NECTIN2: variants seen among roughly 807,000 people sequenced by gnomAD.
The protein encoded by NECTIN2 is nectin-2.
In NECTIN2, 23 loss-of-function variants were observed where a neutral mutation model predicts 56.9. The ratio of observed to expected loss-of-function variants is 0.40; its 90% CI spans 0.29 to 0.57. NECTIN2 has a LOEUF of 0.57. Among genes scored for constraint, NECTIN2 ranks in the 20% least tolerant of loss-of-function variants. NECTIN2 has a pLI of 0.38. For missense variants in NECTIN2, 587 were observed against 718.3 expected, an observed-to-expected ratio of 0.82 and a Z score of 2.09; for synonymous variants, 302 against 313.8, an observed-to-expected ratio of 0.96 and a Z score of 0.40.
chr19:44,885,945 G>A lies in NECTIN2; in HGVS notation c.1205G>A (p.Gly402Glu). Residue 402 changes from glycine to glutamate, a missense_variant, in exon 7 of 9, where the codon GGA (glycine) becomes GAA (glutamate). By Grantham distance (98) the Gly-to-Glu change is moderately conservative. Coordinates refer to ENST00000252483, the MANE Select transcript of NECTIN2 (RefSeq NM_001042724.2). ...TACCTCCTACCCCACAGCCTGGAGG[G>A]ACCTCCCTCCTACAAGCCACCGACC... ...QGAEEDEDLE[G>E]PPSYKPPTPK... 6.3e-7 allele frequency: 1 copy of A among 1,586,902 alleles called. No homozygotes were observed. The highest frequency in any genetic ancestry group is 8.7e-7 in the Non-Finnish European group (1 of 1,155,514).
intron 5 of NECTIN2, chr19:44,878,756 G>A (rs1364697212): frequency 1.1e-5 from 16 of 1,440,394 alleles, no homozygotes; most frequent in African/African-American, 1.4e-5. Flanking sequence ...CACTTTCTTG[G>A]GACTTGGAGG....
In NECTIN2 at chr19:44,886,169, A is replaced by G. The variant is rs1167455637; in HGVS notation, c.1297A>G (p.Ser433Gly). 1 of 1,613,024 alleles carries G rather than the reference A, an allele frequency of 6.2e-7. No homozygotes were observed. Among genetic ancestry groups the G allele is most frequent in the Non-Finnish European group, 8.5e-7 (1 of 1,179,866 alleles). The change falls in exon 8 of 9, where the codon AGC becomes GGC. Residue 433 changes from serine to glycine, a missense_variant. Ser to Gly is a moderately conservative substitution (Grantham distance 56). Coordinates refer to ENST00000252483, the MANE Select transcript of NECTIN2 (RefSeq NM_001042724.2). Reference protein sequence around the residue: ...QLFTLGASEHSPLKTPYFDAG... With the variant: ...QLFTLGASEHGPLKTPYFDAG... ...CTTCACTCTGGGGGCCTCGGAGCACAGCCCACTCAAGACCCCCTACTTTGA... is the reference window on the plus strand; with the variant it reads ...CTTCACTCTGGGGGCCTCGGAGCACGGCCCACTCAAGACCCCCTACTTTGA...
chr19:44,852,010 T>A (rs76205446), intron 1 of NECTIN2, among the ~76,000 whole-genome samples: 4,221 of 152,268 alleles, frequency 0.028, 119 homozygotes, highest in African/African-American at 0.079. Flanking sequence ...TTCCAAGTTC[T>A]GAGTGTGTTT....
At chr19:44,877,979 T>TC (rs1420489872) in intron 5 of NECTIN2, among the ~76,000 whole-genome samples, 2 of 152,008 alleles carry the variant, frequency 1.3e-5, no homozygotes, top group Admixed American at 6.6e-5. Flanking sequence ...CCGGTTGGCA[T>TC]CCCCCTCCTT....
rs930123768 is a variant in NECTIN2, at chr19:44,878,723, C to A, written c.1043-3488C>A. The A allele has an allele frequency of 7.4e-6, 11 of 1,492,636 alleles. No homozygotes were observed. In the Admixed American group the frequency reaches 9.6e-5, roughly 13 times the overall value. The allele number at this position is 1,492,636 out of a possible 1,614,324, so 92.5% of individuals were successfully genotyped here. A position where few individuals can be genotyped will look rare whatever the true frequency, so the allele number is the denominator to read the frequency against. ...TGGTTGGACTTGTTCGTCTGGACGACACTGGAGTGGAACACTGCCTCCCAC... is the reference window on the plus strand; with the variant it reads ...TGGTTGGACTTGTTCGTCTGGACGAAACTGGAGTGGAACACTGCCTCCCAC... On this transcript the variant is annotated intron_variant, in intron 5 of 8. Coordinates refer to ENST00000252483, the MANE Select transcript of NECTIN2 (RefSeq NM_001042724.2).
chr19:44,861,140 C>CT (rs1969027942), intron 1 of NECTIN2, among the ~76,000 whole-genome samples: 1 of 152,030 alleles, frequency 6.6e-6, no homozygotes, highest in South Asian at 2.1e-4. Flanking sequence ...ACTAAAAAGT[C>CT]TAAAAAAACA....
chr19:44,870,086 G>A (rs1024565627), intron 2 of NECTIN2, among the ~76,000 whole-genome samples: 4 of 152,164 alleles, frequency 2.6e-5, no homozygotes, highest in African/African-American at 7.2e-5. Context: ...GGCCAGAGTC[G>A]GCGGTCAGGA....
chr19:44,884,809 T>C (rs1969342092), intron 6 of NECTIN2, among the ~76,000 whole-genome samples: 2 of 152,070 alleles, frequency 1.3e-5, no homozygotes, highest in Admixed American at 6.6e-5. Context: ...GCACCTGTCA[T>C]TACTGTATGC....
At chr19:44,878,936 A>T in intron 5 of NECTIN2, 4 of 1,154,850 alleles carry the variant, frequency 3.5e-6, no homozygotes, top group Non-Finnish European at 4.3e-6. Flanking sequence ...TTGGAGGAAA[A>T]CATCAGGGGT....
chr19:44,852,031 C>T lies in NECTIN2; in HGVS notation c.88+5418C>T, dbSNP rs149661872. Among the ~76,000 whole-genome samples the T allele has an allele frequency of 6.1e-3, 922 of 152,300 alleles. 6 individuals carry two copies. The highest frequency in any genetic ancestry group is 8.8e-3 in the Non-Finnish European group (596 of 68,030). The stretch of plus-strand genomic sequence containing the variant: ...GTTCTGAGTGTGTTTCCAATCTCGC[C>T]ATCCTCCGTCCCCACAGCCCCGACC... On this transcript the variant is annotated intron_variant, in intron 1 of 8. Coordinates refer to ENST00000252483, the MANE Select transcript of NECTIN2 (RefSeq NM_001042724.2).
chr19:44,881,753 CCAGA>C (rs1214638014), intron 5 of NECTIN2, among the ~76,000 whole-genome samples: 2 of 152,198 alleles, frequency 1.3e-5, no homozygotes, highest in African/African-American at 4.8e-5. Flanking sequence ...TGCGATACCC[CCAGA>C]CACTCTCATG....
intron 1 of NECTIN2, among the ~76,000 whole-genome samples, chr19:44,859,392 G>T (rs141041393): frequency 2.0e-5 from 3 of 152,294 alleles, no homozygotes; most frequent in Non-Finnish European, 4.4e-5. Flanking sequence ...GGAAACTGAG[G>T]CACAGAGAGG....
In NECTIN2 at chr19:44,872,084, C is replaced by T. The variant is rs1969181558; in HGVS notation, c.710C>T (p.Thr237Ile). The T allele has an allele frequency of 6.2e-7, 1 of 1,614,190 alleles. No homozygotes were observed. The highest frequency in any genetic ancestry group is 8.5e-7 in the Non-Finnish European group (1 of 1,180,038). The change falls in exon 3 of 9, where the codon ACC becomes ATC. Residue 237 changes from threonine (T) to isoleucine (I), a missense_variant. Transcript: ENST00000252483. ...GGCCGAGCAGATGGTGTCACGGTCA[C>T]CTGCAAAGTGGAGCATGAGAGCTTC... Reference protein sequence around the residue: ...PSGRADGVTVTCKVEHESFEE... With the variant: ...PSGRADGVTVICKVEHESFEE...
chr19:44,846,443 A>G lies in NECTIN2; in HGVS notation c.-83A>G, dbSNP rs920096829. The G allele has an allele frequency of 3.6e-6, 5 of 1,378,038 alleles. No homozygotes were observed. Among genetic ancestry groups the G allele is most frequent in the Non-Finnish European group, 4.7e-6 (5 of 1,073,328 alleles). The allele number at this position is 1,378,038 out of a possible 1,614,324, so 85.4% of individuals were successfully genotyped here. On this transcript the variant is annotated 5_prime_UTR_variant, in exon 1 of 9. Transcript: ENST00000252483. ...GAGCCGGAGCCGGAGCCCCACAGGCACCTACTAAACCGCCCAGCCGATCGG... is the reference window on the plus strand; with the variant it reads ...GAGCCGGAGCCGGAGCCCCACAGGCGCCTACTAAACCGCCCAGCCGATCGG...
rs200612958 is a variant in NECTIN2 at position 44,869,608 on chromosome 19, AAG to A, written c.479-2243_479-2242del. Among the ~76,000 whole-genome samples the A allele has an allele frequency of 2.8e-5, 4 of 143,636 alleles. 1 individual carries two copies. The highest frequency in any genetic ancestry group is 3.0e-5 in the Non-Finnish European group (2 of 66,730). The allele number at this position is 143,636 out of a possible 152,430, so 94.2% of individuals were successfully genotyped here. ...ACTCCATCTCAAAAAAAAAAAAAAA[AAG>A]AAAAGAAAATATGATTAAGTGTAGG... On this transcript the variant is annotated intron_variant, in intron 2 of 8. Coordinates refer to ENST00000252483, the MANE Select transcript of NECTIN2 (RefSeq NM_001042724.2).
Position 44,871,950 on chromosome 19 carries a change from C to G in NECTIN2, c.576C>G (p.Ala192=), listed in dbSNP as rs1333472044. The change falls in exon 3 of 9, where the codon GCC becomes GCG. Residue 192 remains alanine, a synonymous_variant. Transcript: ENST00000252483. ...TCTCCAAAGAGGGCCGCCCACCTGC[C>G]CGGATCTCCTGGCTCTCATCCCTGG... is the stretch of plus-strand genomic sequence containing the variant. ...LCISKEGRPP[A]RISWLSSLDW... is the part of the protein sequence containing the mutation. 1.2e-6 allele frequency: 2 copies of G among 1,614,074 alleles called. No individual in the cohort carries two copies. The highest frequency in any genetic ancestry group is 1.7e-6 in the Non-Finnish European group (2 of 1,180,048).
chr19:44,878,854 C>G, intron 5 of NECTIN2: 7 of 1,305,696 alleles, frequency 5.4e-6, no homozygotes, highest in Non-Finnish European at 6.8e-6. Flanking sequence ...AGAGAGGACC[C>G]CCGCCCCCAG....
In NECTIN2 at chr19:44,874,047, T is replaced by C. The variant is rs2122690042; in HGVS notation, c.893+14T>C. The C allele has an allele frequency of 6.3e-7, 1 of 1,596,206 alleles. No individual in the cohort carries two copies. The highest frequency in any genetic ancestry group is 2.2e-5 in the East Asian group (1 of 44,786). ...TGACTGGAGCACGTGAGTCACGTGG[T>C]CTCAGAACCCTGGGTCTGAGGGAGG... On this transcript the variant is annotated intron_variant, in intron 4 of 8. Coordinates refer to ENST00000252483, the MANE Select transcript of NECTIN2 (RefSeq NM_001042724.2). This position sits in a 1 kb window ranked among gnomAD's most constrained non-coding sequence, Gnocchi z 6.3.
At chr19:44,882,090 TC>T in intron 5 of NECTIN2, 120 bp from the exon 6 acceptor site, 2 of 879,786 alleles carry the variant, frequency 2.3e-6, no homozygotes, top group Non-Finnish European at 3.1e-6. Flanking sequence ...TGAAAGAATG[TC>T]CCCTGCCCAT....
Sources: gnomAD v4.1 joint callset for allele counts (sites outside exome capture counted in the v4.1 genomes callset) on GRCh38, gnomAD v4.1.1 for gene constraint, Gnocchi (gnomAD v3.1) non-coding constraint, MANE v1.5 for transcripts, NCBI Gene and HGNC (gene_info 2026-07-23, HGNC 2026-07-21) for gene names.